Variants in PRKDC observed in about 807,000 individuals in gnomAD.
The protein encoded by PRKDC is protein kinase, DNA-activated, catalytic subunit.
Under a neutral mutation model 486.9 loss-of-function variants are expected in PRKDC, and 82 were observed. The ratio of observed to expected loss-of-function variants is 0.17; its 90% confidence interval spans 0.14 to 0.20. The LOEUF (loss-of-function observed/expected upper bound fraction) is 0.20, where lower values mean the gene tolerates loss of function less well. PRKDC is among the 10% of genes least tolerant of loss of function. The probability of loss-of-function intolerance (pLI) is 1.00; values close to 1 mark genes in which losing one functional copy is unlikely to be tolerated. For missense variants in PRKDC, 4,504 were observed against 5,038.2 expected (o/e 0.89, Z 3.21); for synonymous variants, 1,895 against 1,837.0 (o/e 1.03, Z -0.81).
Position 47,955,926 on chromosome 8 carries a change from G to A in PRKDC, c.347C>T (p.Thr116Ile), listed in dbSNP as rs1006583533. The A allele has an allele frequency of 6.2e-6, 10 of 1,603,514 alleles. No homozygotes were observed. The highest frequency in any genetic ancestry group is 4.0e-5 in the African/African-American group (3 of 74,588). ...EIKNTCTSVY[T>I]KDRAAKCKIP... ...TTTACATTTAGCAGCTCTATCTTTTGTATAAACACTGGTACAAGTGTTCTA... is the reference window on the plus strand; with the variant it reads ...TTTACATTTAGCAGCTCTATCTTTTATATAAACACTGGTACAAGTGTTCTA... Residue 116 changes from threonine to isoleucine, a missense_variant, in exon 4 of 86, where the codon ACA (threonine) becomes ATA (isoleucine). Physicochemically the swap from Thr to Ile is moderately conservative, Grantham distance 89 (BLOSUM62 -1). Coordinates refer to ENST00000314191, the MANE Select transcript of PRKDC (RefSeq NM_006904.7).
chr8:47,899,241 T>G (rs1589776534), intron 28 of PRKDC, among the ~76,000 whole-genome samples: 1 of 152,184 alleles, frequency 6.6e-6, no homozygotes, highest in Non-Finnish European at 1.5e-5. Context: ...GAAATCAAGA[T>G]AAACAAAGCA....
At position 47,860,919 on chromosome 8, in the gene PRKDC, T is replaced by C; in HGVS notation, c.6038A>G (p.Glu2013Gly). ...KYIEIRKEAR[E>G]AANGDSDGPS... ...CCTACCTGAATCCCCATTTGCTGCT[T>C]CTCTGGCTTCTTTCCTAATTTCAAT... The change falls in exon 45 of 86, where the codon GAA (glutamate) becomes GGA (glycine). Residue 2013 changes from glutamate to glycine, a missense_variant. Glu to Gly is a moderately conservative substitution (Grantham distance 98). Coordinates refer to ENST00000314191, the MANE Select transcript of PRKDC (RefSeq NM_006904.7). 1 of 1,609,418 alleles carries C rather than the reference T, an allele frequency of 6.2e-7. No homozygotes were observed. The highest frequency in any genetic ancestry group is 8.5e-7 in the Non-Finnish European group (1 of 1,177,970).
At position 47,785,328 on chromosome 8, in the gene PRKDC, T is replaced by C. The variant is rs2086773020; in HGVS notation, c.10903-11A>G. 6.5e-7 allele frequency: 1 copy of C among 1,548,510 alleles called. No homozygotes were observed. Among genetic ancestry groups the C allele is most frequent in the Non-Finnish European group, 8.8e-7 (1 of 1,140,354 alleles). On this transcript the variant is annotated splice_polypyrimidine_tract_variant and intron_variant, in intron 76 of 85. Coordinates refer to ENST00000314191, the MANE Select transcript of PRKDC (RefSeq NM_006904.7). ...TTCTTTTCCAAAAGTCTGAAATTAG[T>C]AAGAATTTACTATAAAGACTGATGT...
rs905973755 is a variant in PRKDC at position 47,888,958 on chromosome 8, T to A, written c.4280+56A>T. Reference sequence around the variant, plus strand: ...GAGCAGCTGCAGGAGCACGGCAACATACTAGGGCCTGAAATTCCAGGACAA... The same window carrying A: ...GAGCAGCTGCAGGAGCACGGCAACAAACTAGGGCCTGAAATTCCAGGACAA... On this transcript the variant is annotated intron_variant, in intron 33 of 85. Coordinates refer to ENST00000314191, the MANE Select transcript of PRKDC (RefSeq NM_006904.7). The A allele has an allele frequency of 2.6e-6, 4 of 1,539,780 alleles. No homozygotes were observed. In the Admixed American group the frequency reaches 6.7e-5, roughly 26 times the overall value.
At chr8:47,951,494 C>A (rs2090623868) in intron 7 of PRKDC, among the ~76,000 whole-genome samples, 1 of 151,714 alleles carries the variant, frequency 6.6e-6, no homozygotes, top group South Asian at 2.1e-4. Context: ...GGAGCCAAGG[C>A]AGGAGGATCA....
intron 10 of PRKDC, among the ~76,000 whole-genome samples, chr8:47,942,867 C>G (rs1465332013): frequency 6.6e-6 from 1 of 152,214 alleles, no homozygotes; most frequent in African/African-American, 2.4e-5. Context: ...CCCCTGGAGA[C>G]AGCTAGCCCT....
At chr8:47,896,291 G>T (rs1476400024) in intron 30 of PRKDC, among the ~76,000 whole-genome samples, 1 of 151,800 alleles carries the variant, frequency 6.6e-6, no homozygotes, top group Non-Finnish European at 1.5e-5. Context: ...TTTAGTTTTA[G>T]AAGCCTGGAA....
intron 36 of PRKDC, among the ~76,000 whole-genome samples, chr8:47,885,116 A>G (rs1194249234): frequency 1.3e-5 from 2 of 152,244 alleles, no homozygotes; most frequent in Non-Finnish European, 2.9e-5. Flanking sequence ...AATAGAAAAA[A>G]CAATCAATGT....
At chr8:47,945,817 G>A (rs2090523850) in intron 7 of PRKDC, among the ~76,000 whole-genome samples, 1 of 152,078 alleles carries the variant, frequency 6.6e-6, no homozygotes, top group Admixed American at 6.5e-5. Context: ...CACTTCCTGG[G>A]TTCAAGCTAT....
At chr8:47,845,467 C>T (rs1447019391) in intron 54 of PRKDC, among the ~76,000 whole-genome samples, 2 of 152,098 alleles carry the variant, frequency 1.3e-5, no homozygotes, top group East Asian at 3.9e-4. Flanking sequence ...TAACATCATA[C>T]CTGATCCCAC....
rs770354705 is a variant in PRKDC, at chr8:47,943,217, G to T, written c.958C>A (p.Leu320Met). The T allele has an allele frequency of 6.2e-7, 1 of 1,611,424 alleles. No homozygotes were observed. Among genetic ancestry groups the T allele is most frequent in the Admixed American group, 1.7e-5 (1 of 59,358 alleles). ...AGTTGAATTTGTGGTACCTGTTTCA[G>T]AAAGGATTCCAGGGCTGAAAGTGCA... is the stretch of plus-strand genomic sequence containing the variant. The part of the protein sequence containing the change: ...KAALSALESF[L>M]KQVSNMVAKN... The change falls in exon 10 of 86, where the codon CTG (leucine) becomes ATG (methionine). Residue 320 changes from leucine to methionine, a missense_variant. Leu to Met is a conservative substitution (Grantham distance 15, BLOSUM62 2). This residue lies in a region of PRKDC where 1,969 missense variants were observed against 2,068.9 expected (regional missense o/e 0.95). Transcript: ENST00000314191.
At chr8:47,903,618 AC>A (rs1161091239) in intron 26 of PRKDC, among the ~76,000 whole-genome samples, 1 of 152,154 alleles carries the variant, frequency 6.6e-6, no homozygotes, top group Non-Finnish European at 1.5e-5. Context: ...CAGGAAACCC[AC>A]GGCCCTCCTT....
chr8:47,819,373 G>GA lies in PRKDC; in HGVS notation c.9445+28dup, dbSNP rs572717953. ...CTAAAACTCTTCCACAATTAGAAATGAAAAAAAAAGACCGATGAAAAAAAT... is the reference window on the plus strand; with the variant it reads ...CTAAAACTCTTCCACAATTAGAAATGAAAAAAAAAAGACCGATGAAAAAAAT... On this transcript the variant is annotated intron_variant, in intron 67 of 85. Transcript: ENST00000314191. 1,382 of 1,311,602 alleles carry GA rather than the reference G, an allele frequency of 1.1e-3. 1 individual carries two copies. The highest frequency in any genetic ancestry group is 2.1e-3 in the South Asian group (146 of 70,654). 81.2% of individuals were successfully genotyped at this position (1,311,602 alleles called of 1,614,324 possible). A position where few individuals can be genotyped will look rare whatever the true frequency, so the allele number is the denominator to read the frequency against.
chr8:47,881,941 C>G lies in PRKDC; in HGVS notation c.4933G>C (p.Val1645Leu). Residue 1645 changes from valine to leucine, a missense_variant, in exon 37 of 86, where the codon GTG (valine) becomes CTG (leucine). Coordinates refer to ENST00000314191, the MANE Select transcript of PRKDC (RefSeq NM_006904.7). ...KDSPLETKMA[V>L]LALLAKILQI... The stretch of plus-strand genomic sequence containing the variant: ...AAAATTTTTGCCAGTAAGGCCAGCA[C>G]TGCCATTTTAGTTTCGAGAGGGGAA... 2 of 1,613,478 alleles carry G rather than the reference C, an allele frequency of 1.2e-6. No homozygotes were observed. The highest frequency in any genetic ancestry group is 1.7e-6 in the Non-Finnish European group (2 of 1,179,556).
Position 47,854,229 on chromosome 8 carries a change from C to A in PRKDC, c.6762-15G>T, listed in dbSNP as rs373893040. 4 of 1,610,712 alleles carry A rather than the reference C, an allele frequency of 2.5e-6. No individual in the cohort carries two copies. The highest frequency in any genetic ancestry group is 3.3e-5 in the Admixed American group (2 of 59,912). On this transcript the variant is annotated splice_polypyrimidine_tract_variant and intron_variant, in intron 50 of 85. Transcript: ENST00000314191. Reference sequence around the variant, plus strand: ...CAAATATTAACCTGAAACATAAGCACAAAGGAGAAAATTGAGACTGTTGCA... The same window carrying A: ...CAAATATTAACCTGAAACATAAGCAAAAAGGAGAAAATTGAGACTGTTGCA...
At chr8:47,939,415 G>T in intron 11 of PRKDC, 136 bp downstream of exon 11, 1 of 929,080 alleles carries the variant, frequency 1.1e-6, no homozygotes, top group Non-Finnish European at 1.6e-6. Flanking sequence ...GTGAGCCTGT[G>T]CAGTTCACGC....
intron 36 of PRKDC, among the ~76,000 whole-genome samples, chr8:47,885,426 T>C (rs752926286): frequency 2.6e-5 from 4 of 151,968 alleles, no homozygotes; most frequent in Non-Finnish European, 5.9e-5. Context: ...GTGCTGGGAT[T>C]ACAGGCATGA....
chr8:47,782,714 C>A lies in PRKDC; in HGVS notation c.11176-116G>T. 1 of 1,180,128 alleles carries A rather than the reference C, an allele frequency of 8.5e-7. No homozygotes were observed. Among genetic ancestry groups the A allele is most frequent in the Non-Finnish European group, 1.2e-6 (1 of 845,644 alleles). The allele number at this position is 1,180,128 out of a possible 1,614,324, so 73.1% of individuals were successfully genotyped here. A position where few individuals can be genotyped will look rare whatever the true frequency, so the allele number is the denominator to read the frequency against. ...TGGGGCCGCCCTCTGAAGACAGTGC[C>A]AAAGAGCAGAGCGCCCAGGCCAGCA... On this transcript the variant is annotated intron_variant, in intron 78 of 85. Coordinates refer to ENST00000314191, the MANE Select transcript of PRKDC (RefSeq NM_006904.7). The surrounding 1 kb of genome is among the most constrained non-coding windows in gnomAD (Gnocchi z 4.9).
At chr8:47,881,656 TATTGTAAAAC>T (rs957190506) in intron 37 of PRKDC, 136 bp from the exon 38 acceptor site, 1 of 633,794 alleles carries the variant, frequency 1.6e-6, no homozygotes, top group Non-Finnish European at 2.6e-6. Flanking sequence ...TTCACAATCT[TATTGTAAAAC>T]ATTGTAATAC....
Sources: allele counts gnomAD v4.1 joint callset (sites outside exome capture counted in the v4.1 genomes callset), GRCh38; gene constraint gnomAD v4.1.1; regional missense constraint gnomAD v4.1.1; non-coding constraint Gnocchi (gnomAD v3.1); transcripts MANE v1.5; gene names NCBI Gene and HGNC (gene_info 2026-07-23, HGNC 2026-07-21).